The following SCHIP1 variants were observed in gnomAD, a reference collection of about 807,000 sequenced individuals.
SCHIP1 encodes schwannomin-interacting protein 1.
Under a neutral mutation model 29.7 loss-of-function variants are expected in SCHIP1, and 8 were observed. The observed-to-expected ratio is 0.27, with a 90% CI of 0.16 to 0.49. The LOEUF is 0.49. SCHIP1 is among the 20% of genes least tolerant of loss of function. The pLI is 0.99. For synonymous variants in SCHIP1, 76 were observed against 94.9 expected, an observed-to-expected ratio of 0.80 and a Z score of 1.16; for missense variants, 193 against 294.6, an observed-to-expected ratio of 0.66 and a Z score of 2.52.
the SCHIP1 span, among the ~76,000 whole-genome samples, chr3:159,621,751 C>T: frequency 5.9e-5 from 9 of 152,088 alleles, no homozygotes; most frequent in South Asian, 4.1e-4. Context: ...CTGCAATCTC[C>T]GCCTCCTGGC....
the SCHIP1 span, among the ~76,000 whole-genome samples, chr3:159,685,683 T>G: frequency 6.6e-6 from 1 of 152,322 alleles, no homozygotes; most frequent in East Asian, 1.9e-4. Flanking sequence ...GTTTCCTTCT[T>G]CCTTTTCTTG....
chr3:159,566,396 T>C, the SCHIP1 span, among the ~76,000 whole-genome samples: 1 of 152,232 alleles, frequency 6.6e-6, no homozygotes, highest in African/African-American at 2.4e-5. Flanking sequence ...ACCAGGACAC[T>C]GCAGTAAACA....
At chr3:159,306,029 C>T in the SCHIP1 span, among the ~76,000 whole-genome samples, 3 of 152,268 alleles carry the variant, frequency 2.0e-5, no homozygotes, top group African/African-American at 7.2e-5. Context: ...GAATATGGAA[C>T]CAGGAGCTTC....
upstream of SCHIP1, among the ~76,000 whole-genome samples, chr3:159,835,814 G>C (rs557302273): frequency 6.6e-6 from 1 of 152,030 alleles, no homozygotes; most frequent in African/African-American, 2.4e-5. Flanking sequence ...CTGTATGCTC[G>C]ATGGCCTGAG....
the SCHIP1 span, among the ~76,000 whole-genome samples, chr3:159,749,258 C>A: frequency 3.9e-5 from 6 of 151,954 alleles, no homozygotes; most frequent in Admixed American, 6.6e-5. Context: ...GGGAGGATCA[C>A]CTGAGCCCAA....
chr3:159,305,007 A>AT, the SCHIP1 span, among the ~76,000 whole-genome samples: 3 of 150,308 alleles, frequency 2.0e-5, no homozygotes, highest in South Asian at 2.1e-4. Context: ...TCTTCTTCCC[A>AT]TTTTTTTTCA....
At chr3:159,785,112 C>G in the SCHIP1 span, among the ~76,000 whole-genome samples, 1 of 152,204 alleles carries the variant, frequency 6.6e-6, no homozygotes, top group Admixed American at 6.5e-5. Context: ...AGCTCAGAGA[C>G]TGAACCAGAG....
At chr3:159,442,316 G>A in the SCHIP1 span, among the ~76,000 whole-genome samples, 3 of 152,312 alleles carry the variant, frequency 2.0e-5, no homozygotes, top group South Asian at 4.1e-4. Context: ...AGAGAGGCAG[G>A]AAAGAGGAAT....
the SCHIP1 span, among the ~76,000 whole-genome samples, chr3:159,694,231 A>ACTAACCCTAACC: frequency 6.6e-3 from 997 of 150,396 alleles, 13 homozygotes; most frequent in African/African-American, 0.024. Context: ...CATGCCTAAC[A>ACTAACCCTAACC]CTAACCCTAA....
At chr3:159,330,142 C>T in the SCHIP1 span, among the ~76,000 whole-genome samples, 2 of 152,152 alleles carry the variant, frequency 1.3e-5, no homozygotes, top group Non-Finnish European at 2.9e-5. Context: ...GTAAAACCAA[C>T]CACATCACCT....
At chr3:159,607,265 A>G in the SCHIP1 span, among the ~76,000 whole-genome samples, 2 of 152,206 alleles carry the variant, frequency 1.3e-5, no homozygotes, top group African/African-American at 2.4e-5. Context: ...TTCAGTTCCA[A>G]TAATTGTTTA....
At chr3:159,652,865 A>G in the SCHIP1 span, among the ~76,000 whole-genome samples, 19 of 152,220 alleles carry the variant, frequency 1.2e-4, no homozygotes, top group African/African-American at 4.3e-4. Context: ...CTTCAGCAAC[A>G]TGGATAAAAC....
chr3:159,603,685 C>A, the SCHIP1 span, among the ~76,000 whole-genome samples: 1 of 152,154 alleles, frequency 6.6e-6, no homozygotes, highest in Non-Finnish European at 1.5e-5. Context: ...TTATTTCTAA[C>A]CCTATCCAAT....
At chr3:159,889,006 T>C (rs1717228169) in intron 5 of SCHIP1, 63 bp downstream of exon 6, 2 of 1,532,146 alleles carry the variant, frequency 1.3e-6, no homozygotes, top group South Asian at 2.6e-5. Context: ...ATAATGCTGC[T>C]TCCTTGGTCC....
chr3:159,537,028 T>C, the SCHIP1 span, among the ~76,000 whole-genome samples: 1 of 152,232 alleles, frequency 6.6e-6, no homozygotes, highest in Middle Eastern at 3.4e-3. Context: ...GCCATGGTGG[T>C]TTGTTTTGTT....
At chr3:159,686,724 G>C in the SCHIP1 span, among the ~76,000 whole-genome samples, 1 of 152,122 alleles carries the variant, frequency 6.6e-6, no homozygotes, top group Non-Finnish European at 1.5e-5. Context: ...ATTGAACTTA[G>C]CTCCTGAGTC....
chr3:159,481,131 A>G, the SCHIP1 span, among the ~76,000 whole-genome samples: 1 of 152,140 alleles, frequency 6.6e-6, no homozygotes, highest in South Asian at 2.1e-4. Flanking sequence ...ATCTGGATGT[A>G]CACATGCAGG....
rs560289221 is a variant in SCHIP1 at position 159,849,641 on chromosome 3, T to C, written c.30+9427T>C. 2.6e-5 allele frequency among the ~76,000 whole-genome samples: 4 copies of C among 152,120 alleles called. No homozygotes were observed. In the East Asian group the frequency reaches 7.7e-4, roughly 29 times the overall value. ...GCTGTAGTCTGCAGAGTGAGTGGGGTCTGCAGGGTCCTAGGGCTTCCTTTC... is the reference window on the plus strand; with the variant it reads ...GCTGTAGTCTGCAGAGTGAGTGGGGCCTGCAGGGTCCTAGGGCTTCCTTTC... On this transcript the variant is annotated intron_variant, in intron 1 of 6. Coordinates refer to ENST00000445224, the Ensembl canonical transcript of SCHIP1.
the SCHIP1 span, among the ~76,000 whole-genome samples, chr3:159,428,188 G>T: frequency 1.3e-5 from 2 of 152,118 alleles, no homozygotes; most frequent in African/African-American, 4.8e-5. Context: ...AGCCAAAATT[G>T]ACAAATGGGA....
Sources: allele counts gnomAD v4.1 joint callset (sites outside exome capture counted in the v4.1 genomes callset), GRCh38; gene constraint gnomAD v4.1.1; transcripts MANE v1.5; gene names NCBI Gene and HGNC (gene_info 2026-07-23, HGNC 2026-07-21).